Variants in TMCO5A observed in about 807,000 individuals in gnomAD.
TMCO5A encodes the protein transmembrane and coiled-coil domain-containing protein 5A.
A neutral mutation model predicts 42.3 loss-of-function variants in TMCO5A; 34 were observed. The observed-to-expected ratio is 0.80, with a 90% CI of 0.61 to 1.07. The LOEUF (loss-of-function observed/expected upper bound fraction) is 1.07. Among genes scored for constraint, TMCO5A ranks in the 50% least tolerant of loss-of-function variants. TMCO5A has a pLI of 0.00. For missense variants in TMCO5A, 357 were observed against 327.9 expected (o/e 1.09, Z -0.69); for synonymous variants, 131 against 115.6 (o/e 1.13, Z -0.86).
chr15:37,995,054 A>G, the TMCO5A span, among the ~76,000 whole-genome samples: 1 of 152,164 alleles, frequency 6.6e-6, no homozygotes, highest in African/African-American at 2.4e-5. Flanking sequence ...TAGGTGTTCA[A>G]TGGTGCTAAA....
At chr15:37,986,943 C>T in the TMCO5A span, among the ~76,000 whole-genome samples, 178 of 152,158 alleles carry the variant, frequency 1.2e-3, 1 homozygote, top group African/African-American at 4.0e-3. Flanking sequence ...TGTTGAAACA[C>T]ATGATAATTC....
At chr15:38,031,201 T>C in the TMCO5A span, among the ~76,000 whole-genome samples, 1 of 152,134 alleles carries the variant, frequency 6.6e-6, no homozygotes, top group Admixed American at 6.5e-5. Flanking sequence ...ATGGACTCTG[T>C]TTAAAATCCT....
At chr15:37,967,115 A>C (rs1361207241) in exon 12 of TMCO5A, 2 of 158,220 alleles carry the variant, frequency 1.3e-5, no homozygotes, top group African/African-American at 4.8e-5. Flanking sequence ...GTAAATAATC[A>C]GGTCACTAGG....
At chr15:37,950,500 AG>A (rs962822093) in intron 11 of TMCO5A, among the ~76,000 whole-genome samples, 1 of 152,194 alleles carries the variant, frequency 6.6e-6, no homozygotes, top group Non-Finnish European at 1.5e-5. Flanking sequence ...CAAATCAATA[AG>A]AAAAGCTAAA....
the TMCO5A span, among the ~76,000 whole-genome samples, chr15:38,004,514 G>A: frequency 6.6e-6 from 1 of 152,144 alleles, no homozygotes; most frequent in African/African-American, 2.4e-5. Flanking sequence ...CCCCACAGCA[G>A]TTTAGCCAAC....
downstream of TMCO5A, chr15:37,951,554 G>A: frequency 7.7e-6 from 2 of 259,788 alleles, no homozygotes; most frequent in South Asian, 8.6e-5. Context: ...CTGACACACT[G>A]GATTCCTGAA....
chr15:38,031,065 A>T, the TMCO5A span, among the ~76,000 whole-genome samples: 2 of 152,138 alleles, frequency 1.3e-5, no homozygotes, highest in Non-Finnish European at 2.9e-5. Flanking sequence ...TCAAAGCTCC[A>T]CCATAAATAT....
chr15:37,943,396 G>T lies in TMCO5A; in HGVS notation c.625G>T (p.Glu209Ter). 1 of 1,612,146 alleles carries T rather than the reference G, an allele frequency of 6.2e-7. No homozygotes were observed. The highest frequency in any genetic ancestry group is 2.2e-5 in the East Asian group (1 of 44,704). The change falls in exon 10 of 12, where the codon GAG becomes TAG. Residue 209 changes from glutamate (E) to a stop codon, truncating the protein, a stop_gained and splice_region_variant. Coordinates refer to ENST00000319669, the MANE Select transcript of TMCO5A (RefSeq NM_152453.4). LOFTEE classifies it high-confidence loss of function. ...AAAAGAGCATACCAGCCAAAATAAT[G>T]AGGTAAACACTCCATTCTCTCTTCA... Reference protein sequence around the residue: ...VEKEHTSQNNEGTPTQKTARL... With the variant: ...VEKEHTSQNN
At chr15:37,956,323 G>A (rs1289173901), downstream of TMCO5A, among the ~76,000 whole-genome samples, 1 of 151,938 alleles carries the variant, frequency 6.6e-6, no homozygotes, top group Admixed American at 6.6e-5. Flanking sequence ...TTTTTGAAAC[G>A]ATCAACAAAA....
intron 11 of TMCO5A, among the ~76,000 whole-genome samples, chr15:37,960,648 C>T (rs544458752): frequency 6.6e-6 from 1 of 152,278 alleles, no homozygotes; most frequent in South Asian, 2.1e-4. Flanking sequence ...TTCCAACCAG[C>T]AGTGTAGAAG....
the TMCO5A span, among the ~76,000 whole-genome samples, chr15:38,005,307 G>A: frequency 6.8e-6 from 1 of 146,836 alleles, no homozygotes; most frequent in Admixed American, 6.8e-5. Flanking sequence ...TGAGCACAAT[G>A]GCTTATGCCT....
chr15:37,954,825 C>T (rs533135081), downstream of TMCO5A, among the ~76,000 whole-genome samples: 28 of 151,870 alleles, frequency 1.8e-4, no homozygotes, highest in African/African-American at 6.8e-4. Context: ...AGAAACAGAG[C>T]CTTTGATTTC....
At chr15:37,992,099 T>C in the TMCO5A span, among the ~76,000 whole-genome samples, 1 of 152,100 alleles carries the variant, frequency 6.6e-6, no homozygotes. Flanking sequence ...CAAAACTATG[T>C]ATCTGACAAA....
chr15:38,010,004 T>C, the TMCO5A span, among the ~76,000 whole-genome samples: 28 of 152,188 alleles, frequency 1.8e-4, no homozygotes, highest in East Asian at 5.0e-3. Flanking sequence ...GTGATGAAGG[T>C]AAGGATCTTG....
chr15:38,036,317 C>T, the TMCO5A span, among the ~76,000 whole-genome samples: 1 of 152,190 alleles, frequency 6.6e-6, no homozygotes, highest in African/African-American at 2.4e-5. Context: ...TACACTGCTA[C>T]ATGTACTATC....
exon 12 of TMCO5A, chr15:37,967,591 T>TA (rs937035284): frequency 6.6e-6 from 1 of 152,162 alleles, no homozygotes; most frequent in Admixed American, 6.5e-5. Flanking sequence ...TAATTTAAGG[T>TA]AAAAAATTCT....
At chr15:38,018,791 A>G in the TMCO5A span, among the ~76,000 whole-genome samples, 1 of 151,922 alleles carries the variant, frequency 6.6e-6, no homozygotes, top group Non-Finnish European at 1.5e-5. Flanking sequence ...TTACATACAG[A>G]TTTCAAAATC....
intron 10 of TMCO5A, chr15:37,944,554 A>G (rs1245232576): frequency 6.6e-6 from 1 of 152,078 alleles, no homozygotes; most frequent in East Asian, 1.9e-4. Flanking sequence ...TTGTAATCCT[A>G]AAAGTTTCTT....
the TMCO5A span, among the ~76,000 whole-genome samples, chr15:37,990,079 C>T: frequency 6.6e-6 from 1 of 152,002 alleles, no homozygotes; most frequent in African/African-American, 2.4e-5. Context: ...CCATATGAAC[C>T]TGAGAAGAAT....
Sources: allele counts gnomAD v4.1 joint callset (sites outside exome capture counted in the v4.1 genomes callset), GRCh38; gene constraint gnomAD v4.1.1; transcripts MANE v1.5; gene names NCBI Gene and HGNC (gene_info 2026-07-23, HGNC 2026-07-21).